Variants in INPP1 observed in about 807,000 individuals in gnomAD.
INPP1 encodes inositol polyphosphate-1-phosphatase, also known as inositol polyphosphate 1-phosphatase.
INPP1 carries 18 observed loss-of-function variants against 23.0 expected under a neutral mutation model. That is an observed-to-expected ratio of 0.78 (90% CI 0.54 to 1.16). INPP1 has a LOEUF of 1.16. Ranked by LOEUF, INPP1 falls within the 50% of genes most tolerant of loss-of-function variation. The probability of loss-of-function intolerance (pLI) is 0.00; values close to 1 mark genes in which losing one functional copy is unlikely to be tolerated. For synonymous variants in INPP1, 164 were observed against 176.3 expected (o/e 0.93, Z 0.55); for missense variants, 448 against 482.1 (o/e 0.93, Z 0.66).
rs1689221595 is a variant in INPP1, at chr2:190,346,654, G to A, written c.-208-2234G>A. Among the ~76,000 whole-genome samples the A allele has an allele frequency of 6.6e-6, 1 of 151,820 alleles. No homozygotes were observed. The highest frequency in any genetic ancestry group is 2.1e-4 in the South Asian group (1 of 4,782). ...AGAAAAGGTCACACTCTGTCATCCA[G>A]GCTGGAGTACAGTGGTGTGATCATG... On this transcript the variant is annotated intron_variant, in intron 1 of 6. Coordinates refer to ENST00000392329, the MANE Select transcript of INPP1 (RefSeq NM_001128928.2). This position sits in a 1 kb window ranked among gnomAD's most constrained non-coding sequence, Gnocchi z 5.1.
intron 2 of INPP1, among the ~76,000 whole-genome samples, chr2:190,359,295 G>A (rs1488465292): frequency 6.6e-6 from 1 of 152,072 alleles, no homozygotes; most frequent in Admixed American, 6.6e-5. Context: ...GTGAGACCCT[G>A]TCTCAAAAAC....
At chr2:190,353,525 T>C (rs1022068639) in intron 2 of INPP1, among the ~76,000 whole-genome samples, 1 of 152,220 alleles carries the variant, frequency 6.6e-6, no homozygotes, top group Non-Finnish European at 1.5e-5. Context: ...TTCTGTGAGG[T>C]TGTATTTCAG....
intron 1 of INPP1, 86 bp downstream of exon 1, chr2:190,344,047 A>T (rs1446443053): frequency 3.1e-6 from 1 of 327,824 alleles, no homozygotes; most frequent in Non-Finnish European, 6.4e-6. Flanking sequence ...CGGGCTGGTG[A>T]GCGGCGCGCG....
chr2:190,365,576 A>G (rs1161324666), intron 4 of INPP1, among the ~76,000 whole-genome samples: 1 of 152,234 alleles, frequency 6.6e-6, no homozygotes, highest in Non-Finnish European at 1.5e-5. Flanking sequence ...TTGTGCCCAC[A>G]TGGGCATTTT....
At chr2:190,364,555 A>ATTT (rs757559467) in intron 4 of INPP1, among the ~76,000 whole-genome samples, 6 of 136,492 alleles carry the variant, frequency 4.4e-5, no homozygotes, top group South Asian at 2.3e-4. Context: ...AAAAAAAAAA[A>ATTT]TTTCAGTAGG....
chr2:190,354,226 T>C lies in INPP1; in HGVS notation c.-65+5195T>C, dbSNP rs879744985. Among the ~76,000 whole-genome samples the C allele has an allele frequency of 6.6e-6, 1 of 152,234 alleles. No individual in the cohort carries two copies. Among genetic ancestry groups the C allele is most frequent in the Non-Finnish European group, 1.5e-5 (1 of 68,054 alleles). ...ACGACTGCCTCACAGATGTTTCTTA[T>C]TGACGACATAAATGGGGAGGAAAAC... On this transcript the variant is annotated intron_variant, in intron 2 of 6. Coordinates refer to ENST00000392329, the MANE Select transcript of INPP1 (RefSeq NM_001128928.2). This position sits in a 1 kb window ranked among gnomAD's most constrained non-coding sequence, Gnocchi z 4.8.
At chr2:190,347,007 C>CTTTT (rs1214998960) in intron 1 of INPP1, among the ~76,000 whole-genome samples, 27 of 116,022 alleles carry the variant, frequency 2.3e-4, no homozygotes, top group African/African-American at 2.7e-4. Context: ...TTATTAGTAG[C>CTTTT]TTTTTTTTTT....
chr2:190,371,513 CTTTT>C lies in INPP1; in HGVS notation c.*112_*115del. On this transcript the variant is annotated 3_prime_UTR_variant, in exon 7 of 7. Coordinates refer to ENST00000392329, the MANE Select transcript of INPP1 (RefSeq NM_001128928.2). The surrounding 1 kb of genome is among the most constrained non-coding windows in gnomAD (Gnocchi z 5.3). ...GTTGCTGGTTAACATTCACCTTCCT[CTTTT>C]GAGGAGTATTTTTCCATTATGTATT... 2 of 685,512 alleles carry C rather than the reference CTTTT, an allele frequency of 2.9e-6. No individual in the cohort carries two copies. Among genetic ancestry groups the C allele is most frequent in the Non-Finnish European group, 4.6e-6 (2 of 438,978 alleles). 42.5% of individuals were successfully genotyped at this position (685,512 alleles called of 1,614,324 possible). A position where few individuals can be genotyped will look rare whatever the true frequency, so the allele number is the denominator to read the frequency against.
rs1186756475 is a variant in INPP1 at position 190,358,929 on chromosome 2, T to C, written c.-64-1110T>C. The stretch of plus-strand genomic sequence containing the variant: ...ATAGTGGGACTTTTTTTTAACGGGG[T>C]GTGAGGAAGTTGGCAATGAGATGGC... On this transcript the variant is annotated intron_variant, in intron 2 of 6. Transcript: ENST00000392329. Among the ~76,000 whole-genome samples, 77 of 151,560 alleles carry C rather than the reference T, an allele frequency of 5.1e-4. 1 individual carries two copies.
Position 190,345,268 on chromosome 2 carries a change from C to T in INPP1, c.-209+1307C>T, listed in dbSNP as rs551613546. Reference sequence around the variant, plus strand: ...CTTTTCAAGCTTTTGGACTAAACCACCGCTTGCTTGGAAATTGCAGCTTTG... The same window carrying T: ...CTTTTCAAGCTTTTGGACTAAACCATCGCTTGCTTGGAAATTGCAGCTTTG... On this transcript the variant is annotated intron_variant, in intron 1 of 6. Transcript: ENST00000392329. This position sits in a 1 kb window ranked among gnomAD's most constrained non-coding sequence, Gnocchi z 4.9. Among the ~76,000 whole-genome samples the T allele has an allele frequency of 1.3e-5, 2 of 152,320 alleles. No individual in the cohort carries two copies. Among genetic ancestry groups the T allele is most frequent in the South Asian group, 4.1e-4 (2 of 4,830 alleles).
rs963811526 is a variant in INPP1, at chr2:190,343,736, T to C, written c.-434T>C. 2.0e-5 allele frequency: 3 copies of C among 152,194 alleles called. No homozygotes were observed. The highest frequency in any genetic ancestry group is 7.2e-5 in the African/African-American group (3 of 41,416). The allele number at this position is 152,194 out of a possible 1,614,324, so 9.4% of individuals were successfully genotyped here. A position where few individuals can be genotyped will look rare whatever the true frequency, so the allele number is the denominator to read the frequency against. ...TGGCTGAGGCCAAGCTCGGATCCGG[T>C]GCCGAGCCAAGCGGGGCCGTGCGTC... On this transcript the variant is annotated 5_prime_UTR_variant, in exon 1 of 7. Transcript: ENST00000392329.
intron 2 of INPP1, among the ~76,000 whole-genome samples, chr2:190,357,051 G>T (rs79285470): frequency 1.3e-5 from 2 of 152,126 alleles, no homozygotes; most frequent in Non-Finnish European, 2.9e-5. Flanking sequence ...TAACGCAGCT[G>T]TTTTTCCTAA....
chr2:190,361,021 A>T (rs997337827), intron 3 of INPP1, among the ~76,000 whole-genome samples: 2 of 152,236 alleles, frequency 1.3e-5, no homozygotes. Flanking sequence ...TAATACTAGC[A>T]GCACTTATAA....
intron 6 of INPP1, 102 bp downstream of exon 6, chr2:190,369,379 C>G: frequency 5.4e-6 from 3 of 553,152 alleles, no homozygotes; most frequent in Non-Finnish European, 6.4e-6. Context: ...CATGACTTAA[C>G]ACATGGGAGT....
At chr2:190,347,511 A>G (rs1392416789) in intron 1 of INPP1, among the ~76,000 whole-genome samples, 3 of 152,108 alleles carry the variant, frequency 2.0e-5, no homozygotes, top group Admixed American at 6.5e-5. Flanking sequence ...CTTCCTCTTT[A>G]CATTGCTTTT....
rs1391231347 is a variant in INPP1, at chr2:190,366,033, CTCTG to C, written c.266-658_266-655del. Among the ~76,000 whole-genome samples, 16 of 120,798 alleles carry C rather than the reference CTCTG, an allele frequency of 1.3e-4. No homozygotes were observed. The South Asian group carries it at 2.3e-3, about 18-fold the overall frequency. 79.2% of individuals were successfully genotyped at this position (120,798 alleles called of 152,430 possible). On this transcript the variant is annotated intron_variant, in intron 4 of 6. Transcript: ENST00000392329. ...TCTGTCTCGCTCTCTCTCGCTCGCT[CTCTG>C]TCTCACTCTTTTGCTCTCTCTGTCT...
At chr2:190,359,087 C>T (rs933143433) in intron 2 of INPP1, among the ~76,000 whole-genome samples, 3 of 152,142 alleles carry the variant, frequency 2.0e-5, no homozygotes, top group Middle Eastern at 3.4e-3. Flanking sequence ...ATCACTTGAG[C>T]GCAAGAGTTT....
rs1689385900 is a variant in INPP1, at chr2:190,354,705, A to G, written c.-64-5334A>G. ...TATTGTTAAGCTACCCAGTCTTAACAAACTAACACCAGAAGAATTAGGTAT... is the reference window on the plus strand; with the variant it reads ...TATTGTTAAGCTACCCAGTCTTAACGAACTAACACCAGAAGAATTAGGTAT... On this transcript the variant is annotated intron_variant, in intron 2 of 6. Transcript: ENST00000392329. This position sits in a 1 kb window ranked among gnomAD's most constrained non-coding sequence, Gnocchi z 4.8. Among the ~76,000 whole-genome samples, 1 of 152,234 alleles carries G rather than the reference A, an allele frequency of 6.6e-6. No homozygotes were observed. Among genetic ancestry groups the G allele is most frequent in the Non-Finnish European group, 1.5e-5 (1 of 68,042 alleles).
Position 190,368,188 on chromosome 2 carries a change from C to G in INPP1, c.467-915C>G, listed in dbSNP as rs576805094. Among the ~76,000 whole-genome samples the G allele has an allele frequency of 3.2e-4, 48 of 152,290 alleles. No homozygotes were observed. The highest frequency in any genetic ancestry group is 5.6e-4 in the Non-Finnish European group (38 of 68,016). On this transcript the variant is annotated intron_variant, in intron 5 of 6. Transcript: ENST00000392329. This position sits in a 1 kb window ranked among gnomAD's most constrained non-coding sequence, Gnocchi z 4.3. ...GACAGAGATCTCCTGTTTCTTGGTT[C>G]CACCCTGAATTGATTCTGTTTTTGA...
Sources: gnomAD v4.1 joint callset for allele counts (sites outside exome capture counted in the v4.1 genomes callset) on GRCh38, gnomAD v4.1.1 for gene constraint, Gnocchi (gnomAD v3.1) non-coding constraint, MANE v1.5 for transcripts, NCBI Gene and HGNC (gene_info 2026-07-23, HGNC 2026-07-21) for gene names.